WASHC4: variants seen among roughly 807,000 people sequenced by gnomAD.
The protein encoded by WASHC4 is WASH complex subunit 7.
Under a neutral mutation model 166.6 loss-of-function variants are expected in WASHC4, and 86 were observed. That is an observed-to-expected ratio of 0.52 (90% CI 0.43 to 0.62). The LOEUF is 0.62. Ranked by LOEUF, WASHC4 falls within the 20% of genes least tolerant of loss-of-function variation. WASHC4 has a pLI of 0.00. For synonymous variants in WASHC4, 446 were observed against 451.6 expected (o/e 0.99, Z 0.16); for missense variants, 1,262 against 1,382.4 (o/e 0.91, Z 1.38).
intron 25 of WASHC4, 139 bp downstream of exon 25, chr12:105,149,888 T>C: frequency 1.2e-6 from 1 of 811,484 alleles, no homozygotes; most frequent in Non-Finnish European, 1.8e-6. Flanking sequence ...GCATTATCTG[T>C]AGGCTTAAGG....
At position 105,152,479 on chromosome 12, in the gene WASHC4, T is replaced by A. The variant is rs1592909961; in HGVS notation, c.2758+28T>A. On this transcript the variant is annotated intron_variant, in intron 26 of 32. Transcript: ENST00000332180. ...AAGTTATGATAAAAGTGTTGGGAAA[T>A]CAGGTACAGATCCCTACAGTCTATC... 3.3e-6 allele frequency: 4 copies of A among 1,201,550 alleles called. No homozygotes were observed. The East Asian group carries it at 9.3e-5, about 28-fold the overall frequency. 74.4% of individuals were successfully genotyped at this position (1,201,550 alleles called of 1,614,324 possible).
At chr12:105,131,088 T>TA (rs1566007094) in intron 13 of WASHC4, among the ~76,000 whole-genome samples, 51 of 150,398 alleles carry the variant, frequency 3.4e-4, no homozygotes, top group South Asian at 1.5e-3. Context: ...ATTTATTTTT[T>TA]TTTTTTTTTG....
rs747482894 is a variant in WASHC4, at chr12:105,118,548, T to C, written c.518+20T>C. ...TAACAAGTAATGGATTTTAGAAATA[T>C]TTTTGCTTTTATAATAGAGATGCAG... is the stretch of plus-strand genomic sequence containing the variant. On this transcript the variant is annotated intron_variant, in intron 7 of 32. Transcript: ENST00000332180. 7.4e-6 allele frequency: 11 copies of C among 1,486,688 alleles called. No homozygotes were observed. The highest frequency in any genetic ancestry group is 5.0e-5 in the Admixed American group (3 of 59,818). The allele number at this position is 1,486,688 out of a possible 1,614,324, so 92.1% of individuals were successfully genotyped here.
At chr12:105,118,364 AGAGTTGTTACCAT>A (rs1800517461) in intron 6 of WASHC4, 69 bp from the exon 7 acceptor site, 1 of 989,382 alleles carries the variant, frequency 1.0e-6, no homozygotes, top group African/African-American at 1.6e-5. Context: ...TGTTTTTGTT[AGAGTTGTTACCAT>A]AAAATTCAGT....
chr12:105,132,799 TG>T (rs1224791379), intron 13 of WASHC4, among the ~76,000 whole-genome samples: 2 of 145,672 alleles, frequency 1.4e-5, no homozygotes, highest in Admixed American at 6.8e-5. Context: ...TGTGTGTGTG[TG>T]TGTGTGTGTG....
intron 6 of WASHC4, among the ~76,000 whole-genome samples, chr12:105,117,076 A>C (rs1329597838): frequency 6.6e-6 from 1 of 152,190 alleles, no homozygotes; most frequent in Non-Finnish European, 1.5e-5. Flanking sequence ...TAGAATTGTT[A>C]ATCATTCCTG....
At chr12:105,148,838 G>A (rs1883513400) in intron 24 of WASHC4, 1 of 985,036 alleles carries the variant, frequency 1.0e-6, no homozygotes, top group African/African-American at 1.7e-5. Context: ...CCTGTAGGTT[G>A]GAATTAATCT....
chr12:105,140,175 A>G, intron 15 of WASHC4, 119 bp from the exon 16 acceptor site: 1 of 782,610 alleles, frequency 1.3e-6, no homozygotes, highest in Non-Finnish European at 2.2e-6. Flanking sequence ...CAGGACTGTA[A>G]GGTTTTTTTG....
chr12:105,164,063 A>G, intron 30 of WASHC4, 48 bp from the exon 31 acceptor site: 1 of 1,501,310 alleles, frequency 6.7e-7, no homozygotes, highest in Non-Finnish European at 9.3e-7. Context: ...GTAGAATACC[A>G]CTTCTGTACT....
rs376747632 is a variant in WASHC4 at position 105,126,111 on chromosome 12, T to C, written c.894T>C (p.Asn298=). 1.9e-6 allele frequency: 3 copies of C among 1,613,046 alleles called. No homozygotes were observed. The highest frequency in any genetic ancestry group is 1.7e-6 in the Non-Finnish European group (2 of 1,179,346). The part of the protein sequence containing the change: ...FAHSIRSIFA[N]VEAKLGEPSE... ...ATAGTATTCGGTCAATTTTTGCAAA[T>C]GTAGAAGCCAAACTTGGTAATGTAA... Residue 298 remains asparagine (N), a synonymous_variant, in exon 11 of 33, where the codon AAT becomes AAC. Transcript: ENST00000332180.
At position 105,141,153 on chromosome 12, in the gene WASHC4, C is replaced by T. The variant is rs1882811523; in HGVS notation, c.1708-14C>T. 1 of 1,611,866 alleles carries T rather than the reference C, an allele frequency of 6.2e-7. No individual in the cohort carries two copies. The highest frequency in any genetic ancestry group is 8.5e-7 in the Non-Finnish European group (1 of 1,178,142). On this transcript the variant is annotated splice_polypyrimidine_tract_variant and intron_variant, in intron 17 of 32. Coordinates refer to ENST00000332180, the MANE Select transcript of WASHC4 (RefSeq NM_015275.3). ...GACTGCAACTTCTCTGCCTTTTTTT[C>T]CTGTCCCTGATAGAAAACATTTAAA...
intron 15 of WASHC4, 30 bp downstream of exon 15, chr12:105,138,041 C>G: frequency 6.3e-7 from 1 of 1,599,954 alleles, no homozygotes; most frequent in South Asian, 1.1e-5. Context: ...ACTGCTCCAT[C>G]ATAATTGAGA....
chr12:105,111,009 G>C (rs1196838), intron 1 of WASHC4, 116 bp from the exon 2 acceptor site: 5 of 747,684 alleles, frequency 6.7e-6, no homozygotes, highest in East Asian at 2.7e-5. Context: ...AGGAAGTCCA[G>C]ACATTCCAGA....
At chr12:105,132,214 G>GC (rs1295922634) in intron 13 of WASHC4, among the ~76,000 whole-genome samples, 1 of 152,232 alleles carries the variant, frequency 6.6e-6, no homozygotes, top group African/African-American at 2.4e-5. Flanking sequence ...TGTCGCCCAG[G>GC]CTGGAGTGCA....
At chr12:105,117,282 T>C (rs1341672319) in intron 6 of WASHC4, among the ~76,000 whole-genome samples, 3 of 152,224 alleles carry the variant, frequency 2.0e-5, no homozygotes, top group Non-Finnish European at 4.4e-5. Context: ...TTTATCTTTT[T>C]CCATTCTGGC....
In WASHC4 at chr12:105,149,757, A is replaced by C. The variant is rs374554683; in HGVS notation, c.2649+8A>C. On this transcript the variant is annotated splice_region_variant and intron_variant, in intron 25 of 32. Coordinates refer to ENST00000332180, the MANE Select transcript of WASHC4 (RefSeq NM_015275.3). ...GACCAAAATGATCATAAGGTAGGCT[A>C]CCTATTCTTTTTAAGGTATTTGATT... 6.3e-7 allele frequency: 1 copy of C among 1,589,534 alleles called. No individual in the cohort carries two copies. Among genetic ancestry groups the C allele is most frequent in the Non-Finnish European group, 8.6e-7 (1 of 1,163,680 alleles).
At chr12:105,159,936 A>G (rs1884391463) in intron 28 of WASHC4, 65 bp from the exon 29 acceptor site, 1 of 1,410,970 alleles carries the variant, frequency 7.1e-7, no homozygotes, top group Admixed American at 1.7e-5. Flanking sequence ...AACTATTGAG[A>G]GATGGATTTT....
chr12:105,155,634 A>G lies in WASHC4; in HGVS notation c.2759-1092A>G, dbSNP rs182776756. On this transcript the variant is annotated intron_variant, in intron 26 of 32. Coordinates refer to ENST00000332180, the MANE Select transcript of WASHC4 (RefSeq NM_015275.3). ...GGTGGGTGGATCACCTCAGGTCAGG[A>G]GTTCAAGACCAGCCTGGCCAACATG... is the stretch of plus-strand genomic sequence containing the variant. Among the ~76,000 whole-genome samples, 426 of 152,268 alleles carry G rather than the reference A, an allele frequency of 2.8e-3. 6 individuals carry two copies. The highest frequency in any genetic ancestry group is 0.022 in the East Asian group (114 of 5,190).
At chr12:105,157,152 A>C in intron 27 of WASHC4, 84 bp from the exon 28 acceptor site, 1 of 728,066 alleles carries the variant, frequency 1.4e-6, no homozygotes, top group South Asian at 1.5e-5. Flanking sequence ...AAAATTTTAG[A>C]GTCCTGCAGT....
Sources: allele counts gnomAD v4.1 joint callset (sites outside exome capture counted in the v4.1 genomes callset), GRCh38; gene constraint gnomAD v4.1.1; transcripts MANE v1.5; gene names NCBI Gene and HGNC (gene_info 2026-07-23, HGNC 2026-07-21).